ERBB4: variants seen among roughly 807,000 people sequenced by gnomAD.
ERBB4 encodes receptor tyrosine-protein kinase erbB-4.
In ERBB4, 42 loss-of-function variants were observed where a neutral mutation model predicts 158.0. That is an observed-to-expected ratio of 0.27 (90% CI 0.21 to 0.34). ERBB4 has a LOEUF of 0.34. ERBB4 is among the 10% of genes least tolerant of loss of function. ERBB4 has a pLI of 1.00. For synonymous variants in ERBB4, 583 were observed against 558.7 expected (o/e 1.04, Z -0.61); for missense variants, 1,333 against 1,624.1 (o/e 0.82, Z 3.08).
At chr2:211,392,484 ATT>A (rs1191903546) in intron 25 of ERBB4, among the ~76,000 whole-genome samples, 1 of 151,622 alleles carries the variant, frequency 6.6e-6, no homozygotes, top group African/African-American at 2.4e-5. Flanking sequence ...GTATACATAT[ATT>A]TATTTATTTA....
intron 18 of ERBB4, 96 bp downstream of exon 18, chr2:211,623,825 GA>G: frequency 8.3e-7 from 1 of 1,202,520 alleles, no homozygotes. Flanking sequence ...AATATTATAA[GA>G]AAATTAGGTT....
At chr2:212,156,764 T>A (rs2081047250) in intron 1 of ERBB4, among the ~76,000 whole-genome samples, 1 of 152,114 alleles carries the variant, frequency 6.6e-6, no homozygotes, top group African/African-American at 2.4e-5. Context: ...TGAACCTCCA[T>A]CCAATCAGTT....
intron 3 of ERBB4, among the ~76,000 whole-genome samples, chr2:211,936,475 G>T (rs1421136332): frequency 6.6e-6 from 1 of 151,790 alleles, no homozygotes; most frequent in Non-Finnish European, 1.5e-5. Context: ...TAGTCATTAT[G>T]ATTCGATAAC....
intron 3 of ERBB4, among the ~76,000 whole-genome samples, chr2:211,860,218 G>A (rs952011529): frequency 6.6e-6 from 1 of 152,136 alleles, no homozygotes; most frequent in African/African-American, 2.4e-5. Context: ...TGGACATAGA[G>A]AAACAAGATT....
chr2:212,371,577 C>T (rs1355232829), intron 1 of ERBB4, among the ~76,000 whole-genome samples: 1 of 152,168 alleles, frequency 6.6e-6, no homozygotes, highest in East Asian at 1.9e-4. Context: ...TATGTCAGCA[C>T]TCATTTATTT....
chr2:211,955,566 A>G (rs143030818), intron 2 of ERBB4, among the ~76,000 whole-genome samples: 1 of 152,102 alleles, frequency 6.6e-6, no homozygotes, highest in Non-Finnish European at 1.5e-5. Context: ...TTGAGTTTCT[A>G]TACAGCAAAC....
intron 1 of ERBB4, among the ~76,000 whole-genome samples, chr2:212,397,507 G>GGAAA (rs2091064777): frequency 6.8e-6 from 1 of 147,380 alleles, no homozygotes; most frequent in Non-Finnish European, 1.5e-5. Context: ...AAGGAAGGAA[G>GGAAA]GAAGGGGGGA....
chr2:211,729,505 A>G (rs572620144), intron 5 of ERBB4, among the ~76,000 whole-genome samples: 142 of 151,890 alleles, frequency 9.3e-4, no homozygotes, highest in African/African-American at 3.3e-3. Context: ...GTTAAAAAAA[A>G]TATTTCTTTA....
chr2:211,545,043 C>G (rs115525191), intron 20 of ERBB4, among the ~76,000 whole-genome samples: 3 of 152,052 alleles, frequency 2.0e-5, no homozygotes, highest in Non-Finnish European at 4.4e-5. Flanking sequence ...GCTGTACACT[C>G]TTGATTTAGA....
intron 19 of ERBB4, among the ~76,000 whole-genome samples, chr2:211,602,222 C>T (rs2068823392): frequency 6.6e-6 from 1 of 152,102 alleles, no homozygotes. Context: ...AAGTCTTGGC[C>T]TGATGATAAC....
At chr2:212,185,426 G>A (rs1484979561) in intron 1 of ERBB4, among the ~76,000 whole-genome samples, 2 of 151,776 alleles carry the variant, frequency 1.3e-5, no homozygotes, top group African/African-American at 4.8e-5. Flanking sequence ...TTTTAACTAT[G>A]GGTTTCAATT....
intron 3 of ERBB4, among the ~76,000 whole-genome samples, chr2:211,795,298 G>A (rs190328577): frequency 1.5e-3 from 224 of 151,736 alleles, no homozygotes; most frequent in Non-Finnish European, 2.6e-3. Flanking sequence ...AGCAAAGGTG[G>A]GCCTTGTCCA....
intron 2 of ERBB4, among the ~76,000 whole-genome samples, chr2:212,017,202 C>T (rs1037894889): frequency 2.0e-5 from 3 of 151,990 alleles, no homozygotes; most frequent in Non-Finnish European, 4.4e-5. Flanking sequence ...CTTGAGTGTA[C>T]ATTATCTTTA....
At chr2:212,529,362 C>G (rs918671787) in intron 1 of ERBB4, among the ~76,000 whole-genome samples, 2 of 152,236 alleles carry the variant, frequency 1.3e-5, no homozygotes, top group African/African-American at 4.8e-5. Context: ...ATAAAACCAA[C>G]AGAAATTGCA....
chr2:211,696,885 G>T (rs1315703411), intron 12 of ERBB4, among the ~76,000 whole-genome samples: 1 of 151,676 alleles, frequency 6.6e-6, no homozygotes, highest in Admixed American at 6.6e-5. Flanking sequence ...GGCCAGGCTG[G>T]TCTCAAACTC....
chr2:211,438,201 G>A (rs2063898548), intron 20 of ERBB4, among the ~76,000 whole-genome samples: 2 of 152,130 alleles, frequency 1.3e-5, no homozygotes, highest in Non-Finnish European at 2.9e-5. Context: ...TGATCTCTGA[G>A]GTTACTGCTA....
intron 1 of ERBB4, among the ~76,000 whole-genome samples, chr2:212,419,704 G>A (rs1293228082): frequency 1.3e-5 from 2 of 151,812 alleles, no homozygotes; most frequent in Non-Finnish European, 2.9e-5. Context: ...TGTGAGGAAT[G>A]AAATGTATTT....
intron 2 of ERBB4, among the ~76,000 whole-genome samples, chr2:212,112,502 T>C (rs1246285882): frequency 6.6e-6 from 1 of 152,086 alleles, no homozygotes; most frequent in Non-Finnish European, 1.5e-5. Context: ...AAAATCCTGG[T>C]TTCTTTAAGT....
intron 2 of ERBB4, among the ~76,000 whole-genome samples, chr2:212,076,349 TAA>T: frequency 6.6e-6 from 1 of 151,980 alleles, no homozygotes; most frequent in Non-Finnish European, 1.5e-5. Context: ...AAATATTGAA[TAA>T]GACAGATGTT....
Sources: gnomAD v4.1 joint callset for allele counts (sites outside exome capture counted in the v4.1 genomes callset) on GRCh38, gnomAD v4.1.1 for gene constraint, MANE v1.5 for transcripts, NCBI Gene and HGNC (gene_info 2026-07-23, HGNC 2026-07-21) for gene names.